TENM3: variants seen among roughly 807,000 people sequenced by gnomAD.
TENM3 encodes the protein teneurin-3.
In TENM3, 63 loss-of-function variants were observed where a neutral mutation model predicts 255.1. That is an observed-to-expected ratio of 0.25 (90% CI 0.20 to 0.30). TENM3 has a LOEUF of 0.30. Among genes scored for constraint, TENM3 ranks in the 10% least tolerant of loss-of-function variants. TENM3 has a pLI of 1.00. For synonymous variants in TENM3, 1,306 were observed against 1,322.3 expected (o/e 0.99, Z 0.27); for missense variants, 2,929 against 3,461.1 (o/e 0.85, Z 3.86).
At chr4:182,523,787 T>A (rs563936259) in intron 3 of TENM3, among the ~76,000 whole-genome samples, 54 of 151,870 alleles carry the variant, frequency 3.6e-4, no homozygotes, top group African/African-American at 1.3e-3. Context: ...AGGGGCAAGA[T>A]TTGAGTCAAC....
At chr4:181,977,111 A>G in the TENM3 span, among the ~76,000 whole-genome samples, 1 of 152,034 alleles carries the variant, frequency 6.6e-6, no homozygotes, top group Non-Finnish European at 1.5e-5. Flanking sequence ...TCAAATCCCC[A>G]TTTTGCCTCC....
the TENM3 span, among the ~76,000 whole-genome samples, chr4:181,619,485 G>T: frequency 6.6e-6 from 1 of 152,026 alleles, no homozygotes; most frequent in Non-Finnish European, 1.5e-5. Flanking sequence ...GTAGTGGCAC[G>T]ATCATTGCTC....
chr4:181,819,627 A>G, the TENM3 span, among the ~76,000 whole-genome samples: 1 of 152,270 alleles, frequency 6.6e-6, no homozygotes, highest in East Asian at 1.9e-4. Flanking sequence ...CAGGGGGATG[A>G]TTGCAGGACG....
At chr4:182,155,239 A>G (rs1217349154) in intron 1 of TENM3, among the ~76,000 whole-genome samples, 1 of 152,164 alleles carries the variant, frequency 6.6e-6, no homozygotes, top group Admixed American at 6.5e-5. Context: ...TTCTGAGGCT[A>G]CAAGCTTCTA....
the TENM3 span, among the ~76,000 whole-genome samples, chr4:181,994,272 G>T: frequency 6.6e-6 from 1 of 152,092 alleles, no homozygotes; most frequent in East Asian, 1.9e-4. Flanking sequence ...AATTCAAATT[G>T]GGGTGGGGTA....
intron 1 of TENM3, among the ~76,000 whole-genome samples, chr4:182,170,114 A>T (rs1752001427): frequency 6.6e-6 from 1 of 151,296 alleles, no homozygotes. Flanking sequence ...TGGCACTTTC[A>T]TGTCAGCTAA....
chr4:181,594,007 T>TTC, the TENM3 span, among the ~76,000 whole-genome samples: 63,215 of 150,010 alleles, frequency 0.42, 15,054 homozygotes, highest in Non-Finnish European at 0.53. Flanking sequence ...TTTTTTTTTT[T>TTC]ATAATGAAAT....
the TENM3 span, among the ~76,000 whole-genome samples, chr4:181,794,187 A>AT: frequency 2.0e-5 from 3 of 151,312 alleles, no homozygotes; most frequent in African/African-American, 7.3e-5. Flanking sequence ...TATGGTGTAC[A>AT]ATATATATAT....
the TENM3 span, among the ~76,000 whole-genome samples, chr4:181,959,930 C>T: frequency 0.025 from 3,819 of 152,256 alleles, 162 homozygotes; most frequent in African/African-American, 0.087. Context: ...CTAATGTTTA[C>T]ATCCTTTAAA....
chr4:181,828,777 A>T, the TENM3 span, among the ~76,000 whole-genome samples: 2 of 152,054 alleles, frequency 1.3e-5, no homozygotes, highest in Non-Finnish European at 2.9e-5. Context: ...TTTAATAGAG[A>T]TGGGGTTTCA....
chr4:181,791,091 G>A, the TENM3 span, among the ~76,000 whole-genome samples: 3 of 152,300 alleles, frequency 2.0e-5, no homozygotes, highest in South Asian at 4.1e-4. Context: ...CCCTGAGAAC[G>A]GAGTCAAACT....
intron 3 of TENM3, among the ~76,000 whole-genome samples, chr4:182,449,554 G>A (rs1036924402): frequency 6.6e-6 from 1 of 152,114 alleles, no homozygotes; most frequent in African/African-American, 2.4e-5. Flanking sequence ...CGAATTCGTT[G>A]GGAGCTAGTC....
chr4:182,750,545 G>A (rs73869823), intron 19 of TENM3, among the ~76,000 whole-genome samples: 1 of 152,180 alleles, frequency 6.6e-6, no homozygotes, highest in Admixed American at 6.5e-5. Context: ...AAATCATCAA[G>A]TAGTGAAAAT....
the TENM3 span, among the ~76,000 whole-genome samples, chr4:181,546,715 G>GAAAAA: frequency 1.4e-3 from 129 of 93,508 alleles, 1 homozygote; most frequent in African/African-American, 5.7e-3. Flanking sequence ...CTCCGTCTCA[G>GAAAAA]AAAAAAAAAA....
At chr4:181,831,913 C>T in the TENM3 span, among the ~76,000 whole-genome samples, 1 of 151,162 alleles carries the variant, frequency 6.6e-6, no homozygotes, top group African/African-American at 2.4e-5. Context: ...TCTGTGTCAA[C>T]CCTGCATGAA....
chr4:181,486,185 G>A, the TENM3 span, among the ~76,000 whole-genome samples: 1 of 152,090 alleles, frequency 6.6e-6, no homozygotes, highest in Non-Finnish European at 1.5e-5. Flanking sequence ...CAGCAGGAAA[G>A]CAATACACAC....
the TENM3 span, among the ~76,000 whole-genome samples, chr4:181,690,001 A>G: frequency 6.6e-6 from 1 of 152,160 alleles, no homozygotes; most frequent in Non-Finnish European, 1.5e-5. Context: ...TGCGGTTTCA[A>G]TTGATTTCAG....
chr4:182,430,694 G>T (rs1302899553), intron 3 of TENM3, among the ~76,000 whole-genome samples: 2 of 152,036 alleles, frequency 1.3e-5, no homozygotes, highest in East Asian at 3.9e-4. Context: ...ACAAAGCAGA[G>T]ATCTGAGCAG....
At chr4:182,388,279 G>A (rs1013604884) in intron 3 of TENM3, among the ~76,000 whole-genome samples, 6 of 151,842 alleles carry the variant, frequency 4.0e-5, no homozygotes, top group Admixed American at 3.9e-4. Flanking sequence ...CCTCTGCCTG[G>A]CCTCATCAAG....
Sources: allele counts gnomAD v4.1 joint callset (sites outside exome capture counted in the v4.1 genomes callset), GRCh38; gene constraint gnomAD v4.1.1; transcripts MANE v1.5; gene names NCBI Gene and HGNC (gene_info 2026-07-23, HGNC 2026-07-21).